The following TMEM44 variants were observed in gnomAD, a reference collection of about 807,000 sequenced individuals.
TMEM44 encodes transmembrane protein 44.
TMEM44 carries 43 observed loss-of-function variants against 47.8 expected under a neutral mutation model. The observed-to-expected ratio is 0.90, with a 90% CI of 0.70 to 1.16. TMEM44 has a LOEUF of 1.16. Ranked by LOEUF, TMEM44 falls within the 50% of genes most tolerant of loss-of-function variation. The probability of loss-of-function intolerance (pLI) is 0.00; values close to 1 mark genes in which losing one functional copy is unlikely to be tolerated. For missense variants in TMEM44, 568 were observed against 555.2 expected (o/e 1.02, Z -0.23); for synonymous variants, 277 against 238.8 (o/e 1.16, Z -1.48).
At chr3:194,628,319 G>A in intron 2 of TMEM44, 64 bp downstream of exon 2, 1 of 1,556,586 alleles carries the variant, frequency 6.4e-7, no homozygotes, top group Non-Finnish European at 8.7e-7. Context: ...GGCTGCAGCA[G>A]AGAGAAAGGC....
At chr3:194,606,885 G>A (rs1295050579) in intron 8 of TMEM44, among the ~76,000 whole-genome samples, 2 of 144,506 alleles carry the variant, frequency 1.4e-5, no homozygotes, top group South Asian at 2.1e-4. Flanking sequence ...CACAGGAGGT[G>A]TGGGTCACAG....
chr3:194,616,371 G>C (rs1577201348), intron 6 of TMEM44: 1 of 330,110 alleles, frequency 3.0e-6, no homozygotes, highest in East Asian at 8.6e-5. Context: ...ACCTTATTCG[G>C]AAGTAGGGTC....
intron 5 of TMEM44, chr3:194,617,653 C>T: frequency 1.4e-6 from 1 of 703,974 alleles, no homozygotes; most frequent in South Asian, 1.5e-5. Context: ...GTGCCCAGCA[C>T]CTGACGCTGG....
Position 194,601,653 on chromosome 3 carries a change from C to T in TMEM44, c.1176+2634G>A, listed in dbSNP as rs1057199123. Among the ~76,000 whole-genome samples, 82 of 151,866 alleles carry T rather than the reference C, an allele frequency of 5.4e-4. No homozygotes were observed. In the South Asian group the frequency reaches 6.0e-3, roughly 11 times the overall value. On this transcript the variant is annotated intron_variant, in intron 9 of 9. Coordinates refer to ENST00000347147, the MANE Select transcript of TMEM44 (RefSeq NM_001011655.3). ...AGTAGAGACGGGGTTTCGCCACGTT[C>T]GCCAGGCTGGTCTCAAACTTCTGAC...
At chr3:194,626,141 A>G (rs1354782528) in intron 2 of TMEM44, 151 bp from the exon 3 acceptor site, 1 of 629,762 alleles carries the variant, frequency 1.6e-6, no homozygotes, top group Non-Finnish European at 2.9e-6. Flanking sequence ...CAACCCCGGA[A>G]AAGTCCATTA....
At chr3:194,627,443 A>G (rs1717296413) in intron 2 of TMEM44, among the ~76,000 whole-genome samples, 1 of 51,114 alleles carries the variant, frequency 2.0e-5, no homozygotes, top group Admixed American at 1.9e-4. Context: ...CCTTCCACAC[A>G]GGTTTGAGGG....
At chr3:194,594,810 A>C (rs1348547507) in intron 9 of TMEM44, among the ~76,000 whole-genome samples, 1 of 152,198 alleles carries the variant, frequency 6.6e-6, no homozygotes, top group Non-Finnish European at 1.5e-5. Flanking sequence ...AGCTGTGCTG[A>C]AATGAAACCT....
chr3:194,620,750 G>A (rs75930588), intron 5 of TMEM44, among the ~76,000 whole-genome samples: 14,121 of 152,206 alleles, frequency 0.093, 941 homozygotes, highest in East Asian at 0.23. Flanking sequence ...CCTAGGCCGG[G>A]CGTGGTGGCT....
At chr3:194,615,012 A>G (rs1715723736) in intron 7 of TMEM44, among the ~76,000 whole-genome samples, 2 of 152,176 alleles carry the variant, frequency 1.3e-5, no homozygotes, top group East Asian at 3.9e-4. Flanking sequence ...CAAGGTGGGC[A>G]GATCACCTGA....
At chr3:194,626,962 C>A (rs922393631) in intron 2 of TMEM44, among the ~76,000 whole-genome samples, 3 of 149,232 alleles carry the variant, frequency 2.0e-5, no homozygotes, top group Non-Finnish European at 4.4e-5. Flanking sequence ...CTTGCTGTTG[C>A]CCAGGCTGGA....
chr3:194,615,487 C>T, intron 7 of TMEM44, 82 bp downstream of exon 7: 2 of 1,545,908 alleles, frequency 1.3e-6, no homozygotes, highest in Non-Finnish European at 1.7e-6. Context: ...ACACGTCCGT[C>T]CGCAGTATCC....
chr3:194,609,308 T>TGGGACTGC (rs2109180588), intron 8 of TMEM44, among the ~76,000 whole-genome samples: 1 of 152,002 alleles, frequency 6.6e-6, no homozygotes, highest in Non-Finnish European at 1.5e-5. Context: ...GAGGGGACTG[T>TGGGACTGC]GGGACTGCAG....
chr3:194,602,433 C>T (rs962730920), intron 9 of TMEM44, among the ~76,000 whole-genome samples: 42 of 152,266 alleles, frequency 2.8e-4, no homozygotes, highest in Non-Finnish European at 2.1e-4. Context: ...GAAACCTCAT[C>T]TTTACTAAAA....
chr3:194,595,626 AT>A (rs1183156467), intron 9 of TMEM44, among the ~76,000 whole-genome samples: 3,311 of 145,304 alleles, frequency 0.023, 42 homozygotes, highest in Middle Eastern at 0.095. Flanking sequence ...CTCATTCTCT[AT>A]TTTTTTTTTT....
intron 9 of TMEM44, among the ~76,000 whole-genome samples, chr3:194,600,399 C>T (rs1381622390): frequency 1.3e-5 from 2 of 151,624 alleles, no homozygotes; most frequent in Non-Finnish European, 2.9e-5. Context: ...TCCTAAAGTG[C>T]TGGGATTACA....
At chr3:194,624,007 C>T (rs1027998957) in intron 3 of TMEM44, among the ~76,000 whole-genome samples, 9 of 152,270 alleles carry the variant, frequency 5.9e-5, no homozygotes, top group East Asian at 1.9e-4. Context: ...TGGACTAGAG[C>T]GCCTAAGGAT....
rs1408213173 is a variant in TMEM44 at position 194,611,520 on chromosome 3, C to T, written c.913-500G>A. The stretch of plus-strand genomic sequence containing the variant: ...ACCCTGTCGTACAAACAAAACAAAA[C>T]AAGGAATGCCTACTTCCCACTTCCA... On this transcript the variant is annotated intron_variant, in intron 7 of 9. Transcript: ENST00000347147. This position sits in a 1 kb window ranked among gnomAD's most constrained non-coding sequence, Gnocchi z 4.2. Among the ~76,000 whole-genome samples, 1 of 152,224 alleles carries T rather than the reference C, an allele frequency of 6.6e-6. No individual in the cohort carries two copies. The highest frequency in any genetic ancestry group is 2.4e-5 in the African/African-American group (1 of 41,456).
chr3:194,623,501 A>G (rs1314266984), intron 4 of TMEM44, 28 bp downstream of exon 4: 2 of 1,560,670 alleles, frequency 1.3e-6, no homozygotes, highest in Non-Finnish European at 1.7e-6. Flanking sequence ...CAGTACCCCG[A>G]GTCCTCCCCA....
At chr3:194,625,807 G>C (rs1717102541) in intron 3 of TMEM44, 90 bp downstream of exon 3, 1 of 1,190,192 alleles carries the variant, frequency 8.4e-7, no homozygotes, top group African/African-American at 1.5e-5. Context: ...CCTGGCTGGG[G>C]CCCGCTCTGG....
Sources: gnomAD v4.1 joint callset for allele counts (sites outside exome capture counted in the v4.1 genomes callset) on GRCh38, gnomAD v4.1.1 for gene constraint, Gnocchi (gnomAD v3.1) non-coding constraint, MANE v1.5 for transcripts, NCBI Gene and HGNC (gene_info 2026-07-23, HGNC 2026-07-21) for gene names.